PTPN22: variants seen among roughly 807,000 people sequenced by gnomAD.
PTPN22 encodes the protein protein tyrosine phosphatase non-receptor type 22, also known as tyrosine-protein phosphatase non-receptor type 22.
PTPN22 carries 85 observed loss-of-function variants against 103.3 expected under a neutral mutation model. The ratio of observed to expected loss-of-function variants is 0.82; its 90% confidence interval spans 0.69 to 0.99. The LOEUF (loss-of-function observed/expected upper bound fraction) is 0.99. Among genes scored for constraint, PTPN22 ranks in the 50% least tolerant of loss-of-function variants. The pLI is 0.00. For missense variants in PTPN22, 865 were observed against 936.9 expected (o/e 0.92, Z 1.00); for synonymous variants, 323 against 310.2 (o/e 1.04, Z -0.43).
chr1:113,827,080 A>G (rs1662147800), intron 18 of PTPN22, among the ~76,000 whole-genome samples: 1 of 152,034 alleles, frequency 6.6e-6, no homozygotes, highest in Admixed American at 6.5e-5. Context: ...CTTCTTGATA[A>G]TTTTCATGTT....
At chr1:113,815,077 T>C (rs1170144633) in intron 20 of PTPN22, 108 bp from the exon 21 acceptor site, 7 of 779,424 alleles carry the variant, frequency 9.0e-6, no homozygotes, top group Non-Finnish European at 1.2e-5. Flanking sequence ...GGTCTTTTTT[T>C]AAATGTTAGG....
chr1:113,869,215 G>T (rs969709724), intron 1 of PTPN22, among the ~76,000 whole-genome samples: 1 of 151,828 alleles, frequency 6.6e-6, no homozygotes, highest in Non-Finnish European at 1.5e-5. Context: ...AAACTTTGTC[G>T]CCCCCAAAAA....
chr1:113,841,226 A>T (rs1279282584), intron 11 of PTPN22, among the ~76,000 whole-genome samples: 2 of 152,122 alleles, frequency 1.3e-5, no homozygotes, highest in East Asian at 1.9e-4. Flanking sequence ...CTCCATCTCA[A>T]AGGAAAAAAA....
intron 11 of PTPN22, among the ~76,000 whole-genome samples, chr1:113,843,940 T>C (rs180885286): frequency 5.3e-5 from 8 of 152,222 alleles, no homozygotes; most frequent in African/African-American, 1.4e-4. Context: ...GAGAAAATAA[T>C]CCATTCTGGG....
chr1:113,822,785 C>A (rs1661722444), intron 19 of PTPN22, among the ~76,000 whole-genome samples: 1 of 152,122 alleles, frequency 6.6e-6, no homozygotes, highest in Non-Finnish European at 1.5e-5. Context: ...CACGGTGAAA[C>A]CTTGTCTCTA....
At chr1:113,854,015 A>G (rs1468967819) in intron 9 of PTPN22, among the ~76,000 whole-genome samples, 3 of 149,946 alleles carry the variant, frequency 2.0e-5, no homozygotes, top group Non-Finnish European at 4.4e-5. Context: ...ACAGGCGTCC[A>G]CCACCATGCC....
chr1:113,859,114 G>A (rs1346038021), intron 2 of PTPN22, 36 bp from the exon 3 acceptor site: 2 of 1,606,950 alleles, frequency 1.2e-6, no homozygotes, highest in Non-Finnish European at 1.7e-6. Context: ...ACAATTAAGA[G>A]GGCTTAGTCA....
chr1:113,850,211 AG>A (rs1664447344), intron 10 of PTPN22, among the ~76,000 whole-genome samples: 1 of 76,264 alleles, frequency 1.3e-5, no homozygotes, highest in Admixed American at 1.3e-4. Flanking sequence ...GAAGGAAGGA[AG>A]GAAGGAAGGA....
At chr1:113,843,094 C>A (rs1663722658) in intron 11 of PTPN22, among the ~76,000 whole-genome samples, 2 of 12,436 alleles carry the variant, frequency 1.6e-4, no homozygotes, top group Non-Finnish European at 4.0e-4. Flanking sequence ...AGCGAGACTC[C>A]GTCTCAAAAA....
intron 18 of PTPN22, among the ~76,000 whole-genome samples, chr1:113,825,714 G>A (rs548650357): frequency 6.9e-6 from 1 of 144,494 alleles, no homozygotes; most frequent in East Asian, 1.9e-4. Context: ...TGTTGTTGTT[G>A]TTGTTGTTGT....
Position 113,841,944 on chromosome 1 carries a change from C to CT in PTPN22, c.916-3325dup, listed in dbSNP as rs142881782. The stretch of plus-strand genomic sequence containing the variant: ...CAAAATCTGGGCACCATGGCTCATG[C>CT]TTTTAGTCTCAGCTACTGGGGAGTT... On this transcript the variant is annotated intron_variant, in intron 11 of 20. Transcript: ENST00000359785. Among the ~76,000 whole-genome samples, 1,084 of 152,150 alleles carry CT rather than the reference C, an allele frequency of 7.1e-3. 14 individuals carry two copies. Among genetic ancestry groups the CT allele is most frequent in the African/African-American group, 0.025 (1,019 of 41,498 alleles).
intron 16 of PTPN22, among the ~76,000 whole-genome samples, chr1:113,832,065 A>G (rs1482674024): frequency 6.8e-6 from 1 of 146,840 alleles, no homozygotes; most frequent in Non-Finnish European, 1.5e-5. Context: ...ATTCTTTTAT[A>G]AATGAGAAAA....
intron 18 of PTPN22, chr1:113,828,939 A>G (rs1389840276): frequency 6.6e-6 from 1 of 152,370 alleles, no homozygotes; most frequent in East Asian, 1.9e-4. Context: ...TGGGCCTATC[A>G]TGCCATTTTA....
intron 10 of PTPN22, among the ~76,000 whole-genome samples, chr1:113,849,114 A>G (rs1157991403): frequency 6.6e-6 from 1 of 152,210 alleles, no homozygotes; most frequent in Non-Finnish European, 1.5e-5. Flanking sequence ...TAGATAAGCT[A>G]TTTATACCTA....
intron 19 of PTPN22, among the ~76,000 whole-genome samples, chr1:113,820,870 C>T (rs1294978111): frequency 1.3e-5 from 2 of 151,944 alleles, no homozygotes; most frequent in African/African-American, 4.8e-5. Flanking sequence ...CCTTCCTTTT[C>T]GAGGAGGTAC....
Position 113,847,584 on chromosome 1 carries a change from C to CT in PTPN22, c.915+955dup, listed in dbSNP as rs201373943. Among the ~76,000 whole-genome samples, 765 of 125,524 alleles carry CT rather than the reference C, an allele frequency of 6.1e-3. 5 individuals are homozygous for CT. The highest frequency in any genetic ancestry group is 0.024 in the South Asian group (94 of 3,846). The allele number at this position is 125,524 out of a possible 152,430, so 82.3% of individuals were successfully genotyped here. A position where few individuals can be genotyped will look rare whatever the true frequency, so the allele number is the denominator to read the frequency against. ...GTTAAGCCTTCTCTTTTTGCTGGGG[C>CT]TTTTTTTTTTTTTTAACAGAGTGTT... is the stretch of plus-strand genomic sequence containing the variant. On this transcript the variant is annotated intron_variant, in intron 11 of 20. Transcript: ENST00000359785.
exon 21 of PTPN22, chr1:113,814,902 T>A (rs1271450090): frequency 3.1e-6 from 5 of 1,597,558 alleles, no homozygotes; most frequent in Admixed American, 1.7e-5. Flanking sequence ...ATCTGGAGTT[T>A]TATTAAATAT....
intron 7 of PTPN22, among the ~76,000 whole-genome samples, chr1:113,855,407 G>A (rs1327827616): frequency 1.4e-5 from 2 of 147,788 alleles, no homozygotes; most frequent in African/African-American, 5.0e-5. Context: ...CGGCACAAGA[G>A]TTGCTTGGAC....
At chr1:113,816,441 G>GAAA (rs66518921) in intron 20 of PTPN22, among the ~76,000 whole-genome samples, 7 of 144,672 alleles carry the variant, frequency 4.8e-5, no homozygotes, top group African/African-American at 1.5e-4. Context: ...AAAAAGAATT[G>GAAA]AAAAAAAAAA....
Sources: allele counts gnomAD v4.1 joint callset (sites outside exome capture counted in the v4.1 genomes callset), GRCh38; gene constraint gnomAD v4.1.1; transcripts MANE v1.5; gene names NCBI Gene and HGNC (gene_info 2026-07-23, HGNC 2026-07-21).